ACOX3: variants seen among roughly 807,000 people sequenced by gnomAD.
ACOX3 encodes the protein peroxisomal acyl-coenzyme A oxidase 3.
ACOX3 carries 73 observed loss-of-function variants against 81.5 expected under a neutral mutation model. The observed-to-expected ratio is 0.90, with a 90% confidence interval of 0.74 to 1.09. The LOEUF is 1.09. Ranked by LOEUF, ACOX3 falls within the 50% of genes least tolerant of loss-of-function variation. The pLI, the probability that ACOX3 is intolerant of heterozygous loss-of-function variation, is 0.00. For missense variants in ACOX3, 947 were observed against 928.0 expected (o/e 1.02, Z -0.27); for synonymous variants, 387 against 375.1 (o/e 1.03, Z -0.37).
rs1029345036 is a variant in ACOX3 at position 8,394,820 on chromosome 4, A to C, written c.1057-78T>G. The C allele has an allele frequency of 2.0e-6, 3 of 1,537,562 alleles. No homozygotes were observed. The highest frequency in any genetic ancestry group is 2.7e-5 in the African/African-American group (2 of 72,814). On this transcript the variant is annotated intron_variant, in intron 9 of 17. Coordinates refer to ENST00000356406, the MANE Select transcript of ACOX3 (RefSeq NM_003501.3). The surrounding 1 kb of genome is among the most constrained non-coding windows in gnomAD (Gnocchi z 5.9). ...GCCCATCCCAGGGACCATGAAAGCC[A>C]GTGCAGGGAGAGGCCGTCAGGGCCA...
At chr4:8,369,787 CCAGGTGCTTCAG>C (rs1453353079) in intron 17 of ACOX3, among the ~76,000 whole-genome samples, 2 of 152,322 alleles carry the variant, frequency 1.3e-5, no homozygotes, top group African/African-American at 2.4e-5. Context: ...GGGCAGAGAC[CCAGGTGCTTCAG>C]CAGGTGCTTC....
At chr4:8,390,446 G>A (rs1433156829) in intron 11 of ACOX3, among the ~76,000 whole-genome samples, 1 of 152,232 alleles carries the variant, frequency 6.6e-6, no homozygotes, top group Non-Finnish European at 1.5e-5. Flanking sequence ...AAGCCCTGCA[G>A]AGCCTCCCCT....
At chr4:8,411,801 A>G (rs1721756925) in intron 5 of ACOX3, among the ~76,000 whole-genome samples, 1 of 152,216 alleles carries the variant, frequency 6.6e-6, no homozygotes, top group Non-Finnish European at 1.5e-5. Flanking sequence ...ACTTCAGGAC[A>G]GCAGAGACCT....
intron 1 of ACOX3, chr4:8,428,544 C>G (rs1208379874): frequency 2.6e-5 from 4 of 152,294 alleles, no homozygotes; most frequent in Non-Finnish European, 4.4e-5. Flanking sequence ...CCTCGTTGCC[C>G]TGGAAACGCG....
intron 11 of ACOX3, among the ~76,000 whole-genome samples, chr4:8,391,154 C>T (rs752296138): frequency 1.3e-5 from 2 of 152,004 alleles, no homozygotes; most frequent in East Asian, 1.9e-4. Flanking sequence ...TATAGAATCC[C>T]GATGAGTTAC....
Position 8,407,585 on chromosome 4 carries a change from A to G in ACOX3, c.688-1542T>C, listed in dbSNP as rs2108938925. Among the ~76,000 whole-genome samples the G allele has an allele frequency of 6.6e-6, 1 of 152,314 alleles. No homozygotes were observed. Among genetic ancestry groups the G allele is most frequent in the East Asian group, 1.9e-4 (1 of 5,174 alleles). On this transcript the variant is annotated intron_variant, in intron 6 of 17. Coordinates refer to ENST00000356406, the MANE Select transcript of ACOX3 (RefSeq NM_003501.3). This position sits in a 1 kb window ranked among gnomAD's most constrained non-coding sequence, Gnocchi z 4.6. The stretch of plus-strand genomic sequence containing the variant: ...GGTGCTTTGCTGTGGCAGCCATGAG[A>G]GACTAACACGGGGGCCGGTGCTGCC...
chr4:8,387,459 C>T (rs1300295987), intron 13 of ACOX3, among the ~76,000 whole-genome samples: 3 of 152,356 alleles, frequency 2.0e-5, no homozygotes, highest in South Asian at 4.1e-4. Flanking sequence ...CGGGACAGGG[C>T]GTCGGGACCC....
intron 14 of ACOX3, among the ~76,000 whole-genome samples, chr4:8,376,573 A>G (rs1378395840): frequency 6.6e-6 from 1 of 152,118 alleles, no homozygotes; most frequent in African/African-American, 2.4e-5. Flanking sequence ...AGAAACCGGG[A>G]GAAGCGCCTT....
rs756010017 is a variant in ACOX3, at chr4:8,397,124, G to A, written c.874-5C>T. The A allele has an allele frequency of 8.4e-5, 130 of 1,549,012 alleles. No individual in the cohort carries two copies. Among genetic ancestry groups the A allele is most frequent in the East Asian group, 2.6e-4 (11 of 42,498 alleles). The stretch of plus-strand genomic sequence containing the variant: ...TCCAAAGCGCTGCCTGACGTCCTAC[G>A]GGAGGGACACAGATGATAAGCTCAA... On this transcript the variant is annotated splice_polypyrimidine_tract_variant and splice_region_variant and intron_variant, in intron 8 of 17. Coordinates refer to ENST00000356406, the MANE Select transcript of ACOX3 (RefSeq NM_003501.3).
Position 8,397,018 on chromosome 4 carries a change from G to A in ACOX3, c.975C>T (p.Ile325=), listed in dbSNP as rs1185889483. 8 of 1,611,730 alleles carry A rather than the reference G, an allele frequency of 5.0e-6. No individual in the cohort carries two copies. The highest frequency in any genetic ancestry group is 1.1e-5 in the South Asian group (1 of 90,546). ...AILNLKLAVA[I]ALRFSATRRQ... ...GCCGAGTGGCTGAGAAGCGAAGAGC[G>A]ATGGCCACGGCCAGCTTTAGGTTAA... is the stretch of plus-strand genomic sequence containing the variant. The change falls in exon 9 of 18, where the codon ATC becomes ATT. Residue 325 remains isoleucine, a synonymous_variant. Coordinates refer to ENST00000356406, the MANE Select transcript of ACOX3 (RefSeq NM_003501.3).
the ACOX3 span, chr4:8,355,339 C>T: frequency 6.6e-6 from 1 of 152,296 alleles, no homozygotes; most frequent in East Asian, 1.9e-4. Context: ...GCTTTATTTG[C>T]TCCAACAGAT....
In ACOX3 at chr4:8,381,124, C is replaced by A. The variant is rs1359804770; in HGVS notation, c.1653+368G>T. ...CGAGAGCAACTTGTGGAAAACCAAG[C>A]AGGGCGCTGGCATCACTCCCACGAG... On this transcript the variant is annotated intron_variant, in intron 14 of 17. Transcript: ENST00000356406. This position sits in a 1 kb window ranked among gnomAD's most constrained non-coding sequence, Gnocchi z 4.3. 6.6e-6 allele frequency among the ~76,000 whole-genome samples: 1 copy of A among 152,202 alleles called. No individual in the cohort carries two copies. The highest frequency in any genetic ancestry group is 1.9e-4 in the East Asian group (1 of 5,190).
chr4:8,359,155 G>A, the ACOX3 span, among the ~76,000 whole-genome samples: 1 of 152,178 alleles, frequency 6.6e-6, no homozygotes, highest in Admixed American at 6.5e-5. This position sits in a 1 kb window ranked among gnomAD's most constrained non-coding sequence, Gnocchi z 6.0. Flanking sequence ...GTAACTTTGG[G>A]TAAGTGGTAG....
chr4:8,426,775 C>A (rs1443284512), intron 1 of ACOX3, among the ~76,000 whole-genome samples: 1 of 152,150 alleles, frequency 6.6e-6, no homozygotes, highest in African/African-American at 2.4e-5. Flanking sequence ...CTTCCAGAAT[C>A]AAAGCTGTGA....
At position 8,414,461 on chromosome 4, in the gene ACOX3, T is replaced by TAAAGGAAAGATGG; in HGVS notation, c.454-81_454-80insCCATCTTTCCTTT. On this transcript the variant is annotated intron_variant, in intron 4 of 17. Transcript: ENST00000356406. The surrounding 1 kb of genome is among the most constrained non-coding windows in gnomAD (Gnocchi z 6.1). ...CCCAGAAGGACCTCACTGCCATCTT[T>TAAAGGAAAGATGG]CCTTTAAAGATGAAACCACATATCA... is the stretch of plus-strand genomic sequence containing the variant. The TAAAGGAAAGATGG allele has an allele frequency of 2.3e-6, 3 of 1,287,788 alleles. No individual in the cohort carries two copies. The highest frequency in any genetic ancestry group is 3.4e-6 in the Non-Finnish European group (3 of 890,794). The allele number at this position is 1,287,788 out of a possible 1,614,324, so 79.8% of individuals were successfully genotyped here.
intron 1 of ACOX3, among the ~76,000 whole-genome samples, chr4:8,436,815 C>G (rs1724262343): frequency 6.8e-6 from 1 of 147,862 alleles, no homozygotes; most frequent in Admixed American, 6.8e-5. Flanking sequence ...AACCCTGTCT[C>G]TACTAAAAAA....
At position 8,381,346 on chromosome 4, in the gene ACOX3, G is replaced by T; in HGVS notation, c.1653+146C>A. 1.5e-6 allele frequency: 1 copy of T among 667,918 alleles called. No individual in the cohort carries two copies. Among genetic ancestry groups the T allele is most frequent in the Non-Finnish European group, 2.6e-6 (1 of 384,110 alleles). The allele number at this position is 667,918 out of a possible 1,614,324, so 41.4% of individuals were successfully genotyped here. A position where few individuals can be genotyped will look rare whatever the true frequency, so the allele number is the denominator to read the frequency against. Reference sequence around the variant, plus strand: ...GTGTTACAGAGGAGCTGAGCAAGCAGCAAAGTCATCAAGTCATCTGCCCAA... The same window carrying T: ...GTGTTACAGAGGAGCTGAGCAAGCATCAAAGTCATCAAGTCATCTGCCCAA... On this transcript the variant is annotated intron_variant, in intron 14 of 17. Coordinates refer to ENST00000356406, the MANE Select transcript of ACOX3 (RefSeq NM_003501.3). The surrounding 1 kb of genome is among the most constrained non-coding windows in gnomAD (Gnocchi z 4.3).
chr4:8,428,663 G>A lies in ACOX3; in HGVS notation c.-15+11985C>T, dbSNP rs189780522. 2.8e-4 allele frequency among the ~76,000 whole-genome samples: 43 copies of A among 152,370 alleles called. No homozygotes were observed. The East Asian group carries it at 7.1e-3, about 25-fold the overall frequency. On this transcript the variant is annotated intron_variant, in intron 1 of 17. Coordinates refer to ENST00000356406, the MANE Select transcript of ACOX3 (RefSeq NM_003501.3). ...CAAGGCCTGGCTGACCGACTCTGGC[G>A]AGTCGCTGCCCTCTCGGAGCGCCGT...
At chr4:8,411,465 C>T (rs1451865634) in intron 5 of ACOX3, among the ~76,000 whole-genome samples, 1 of 152,236 alleles carries the variant, frequency 6.6e-6, no homozygotes, top group Non-Finnish European at 1.5e-5. Context: ...CTGTTCTCTT[C>T]TCTCAGGGGA....
Sources: allele counts gnomAD v4.1 joint callset (sites outside exome capture counted in the v4.1 genomes callset), GRCh38; gene constraint gnomAD v4.1.1; non-coding constraint Gnocchi (gnomAD v3.1); transcripts MANE v1.5; gene names NCBI Gene and HGNC (gene_info 2026-07-23, HGNC 2026-07-21).